The following TMEM209 variants were observed in gnomAD, a reference collection of about 807,000 sequenced individuals.
TMEM209 encodes transmembrane protein 209.
Under a neutral mutation model 76.2 loss-of-function variants are expected in TMEM209, and 65 were observed. The ratio of observed to expected loss-of-function variants is 0.85; its 90% CI spans 0.70 to 1.05. The LOEUF is 1.05. Among genes scored for constraint, TMEM209 ranks in the 50% least tolerant of loss-of-function variants. The pLI is 0.00. For synonymous variants in TMEM209, 239 were observed against 237.6 expected (o/e 1.01, Z -0.06); for missense variants, 623 against 685.5 (o/e 0.91, Z 1.02).
At position 130,201,836 on chromosome 7, in the gene TMEM209, AAGAG is replaced by A; in HGVS notation, c.573+10_573+13del. On this transcript the variant is annotated intron_variant, in intron 5 of 14. Coordinates refer to ENST00000397622, the MANE Select transcript of TMEM209 (RefSeq NM_032842.4). ...CTAAAATAATGTGACTAGACAAGAGAAGAGAGTCATTACCTTATTATAACCACTG... is the reference window on the plus strand; with the variant it reads ...CTAAAATAATGTGACTAGACAAGAGAAGTCATTACCTTATTATAACCACTG... 6.2e-7 allele frequency: 1 copy of A among 1,613,794 alleles called. No homozygotes were observed. Among genetic ancestry groups the A allele is most frequent in the Non-Finnish European group, 8.5e-7 (1 of 1,179,828 alleles).
intron 8 of TMEM209, 166 bp from the exon 9 acceptor site, chr7:130,181,885 G>A (rs757862921): frequency 1.9e-5 from 10 of 534,826 alleles, no homozygotes; most frequent in East Asian, 9.4e-5. Context: ...ATAGCTACCC[G>A]AAATCAAGAG....
At chr7:130,203,585 G>A (rs1798299451) in intron 3 of TMEM209, among the ~76,000 whole-genome samples, 1 of 152,194 alleles carries the variant, frequency 6.6e-6, no homozygotes, top group African/African-American at 2.4e-5. Flanking sequence ...TACCTGAAGT[G>A]TTATTAATCT....
intron 7 of TMEM209, 83 bp from the exon 8 acceptor site, chr7:130,184,338 AT>A (rs1797522184): frequency 7.6e-6 from 8 of 1,050,608 alleles, no homozygotes; most frequent in Middle Eastern, 4.4e-4. Context: ...ATCCTAAAAA[AT>A]ATTTAATGAA....
At chr7:130,187,236 C>CT (rs896183379) in intron 6 of TMEM209, among the ~76,000 whole-genome samples, 1 of 150,874 alleles carries the variant, frequency 6.6e-6, no homozygotes, top group African/African-American at 2.4e-5. Context: ...GAGCTAGACT[C>CT]TATCTCAAAA....
At chr7:130,201,249 C>A (rs74910641) in intron 5 of TMEM209, among the ~76,000 whole-genome samples, 1,623 of 152,132 alleles carry the variant, frequency 0.011, 38 homozygotes, top group African/African-American at 0.037. Context: ...CTTCTTTCAA[C>A]GCCCCCTTAT....
At chr7:130,188,230 G>A (rs1034224501) in intron 6 of TMEM209, among the ~76,000 whole-genome samples, 5 of 152,142 alleles carry the variant, frequency 3.3e-5, no homozygotes, top group African/African-American at 1.2e-4. Context: ...AAAAGCTGGG[G>A]TGGGGGTAAA....
chr7:130,201,986 C>T lies in TMEM209; in HGVS notation c.437G>A (p.Arg146His), dbSNP rs199916709. The T allele has an allele frequency of 5.8e-5, 93 of 1,613,404 alleles. No homozygotes were observed. Among genetic ancestry groups the T allele is most frequent in the Middle Eastern group, 1.6e-4 (1 of 6,082 alleles). Residue 146 changes from arginine (R) to histidine (H), a missense_variant, in exon 5 of 15, where the codon CGT becomes CAT. Physicochemically the swap from Arg to His is conservative, Grantham distance 29. Transcript: ENST00000397622. ...GQSVLSYSPS[R>H]SPSTSPKFTT... ...GAACTTGGGACTGGTACTGGGCGAA[C>T]GAGAAGGGCTATAACTCAACACACT...
At chr7:130,174,872 T>C (rs1326237727) in intron 11 of TMEM209, among the ~76,000 whole-genome samples, 1 of 151,584 alleles carries the variant, frequency 6.6e-6, no homozygotes, top group African/African-American at 2.4e-5. Context: ...TGTGTAATAA[T>C]GAAAAAATAT....
intron 6 of TMEM209, among the ~76,000 whole-genome samples, chr7:130,186,335 T>C (rs116012615): frequency 1.4e-3 from 219 of 152,312 alleles, no homozygotes; most frequent in African/African-American, 5.0e-3. Flanking sequence ...TGTAGCAATA[T>C]AATTCATCAA....
At chr7:130,185,495 C>A in intron 6 of TMEM209, 128 bp from the exon 7 acceptor site, 1 of 764,748 alleles carries the variant, frequency 1.3e-6, no homozygotes, top group Non-Finnish European at 2.1e-6. Flanking sequence ...CTCTTCTCCC[C>A]AACATAATTT....
intron 5 of TMEM209, among the ~76,000 whole-genome samples, chr7:130,196,244 C>T (rs1797966910): frequency 6.6e-6 from 1 of 151,782 alleles, no homozygotes; most frequent in South Asian, 2.1e-4. Context: ...AAGGGCCCTA[C>T]AGTCTTCTGG....
intron 7 of TMEM209, 57 bp from the exon 8 acceptor site, chr7:130,184,312 C>A: frequency 7.9e-7 from 1 of 1,269,740 alleles, no homozygotes; most frequent in South Asian, 1.4e-5. Context: ...TGATAGAAAT[C>A]ATCATTCTTT....
Position 130,205,240 on chromosome 7 carries a change from C to T in TMEM209, c.3+133G>A, listed in dbSNP as rs561163521. ...CAGCAACCCTATTGCTTCTTTCTTC[C>T]CTTCCCCTAGAGAGGCGGAACGCCT... On this transcript the variant is annotated intron_variant, in intron 1 of 14. Transcript: ENST00000397622. 5.0e-5 allele frequency: 80 copies of T among 1,600,888 alleles called. No homozygotes were observed. In the African/African-American group the frequency reaches 9.5e-4, roughly 19 times the overall value.
intron 1 of TMEM209, among the ~76,000 whole-genome samples, chr7:130,204,795 A>G (rs1161346635): frequency 6.6e-6 from 1 of 152,208 alleles, no homozygotes; most frequent in Non-Finnish European, 1.5e-5. Flanking sequence ...CAAAATGTCA[A>G]GTTTTGGGAG....
At chr7:130,198,454 TA>T (rs1798069435) in intron 5 of TMEM209, among the ~76,000 whole-genome samples, 1 of 151,854 alleles carries the variant, frequency 6.6e-6, no homozygotes, top group Admixed American at 6.6e-5. Flanking sequence ...CTACTAAAAA[TA>T]AAAAAATTAG....
chr7:130,182,843 G>T (rs1208439168), intron 8 of TMEM209, among the ~76,000 whole-genome samples: 1 of 152,150 alleles, frequency 6.6e-6, no homozygotes, highest in East Asian at 1.9e-4. Flanking sequence ...AGCAAATTTT[G>T]ATATACTGGC....
intron 6 of TMEM209, among the ~76,000 whole-genome samples, chr7:130,186,992 CA>C (rs1417955485): frequency 5.3e-5 from 8 of 152,150 alleles, no homozygotes; most frequent in Admixed American, 2.0e-4. Context: ...CCTGTAATCC[CA>C]GCACTTTGGG....
chr7:130,170,650 A>G (rs1797037649), intron 13 of TMEM209, among the ~76,000 whole-genome samples, 177 bp from the exon 14 acceptor site: 1 of 152,178 alleles, frequency 6.6e-6, no homozygotes, highest in Non-Finnish European at 1.5e-5. Flanking sequence ...GGAATACTGC[A>G]GTGAGTAAGA....
rs757452181 is a variant in TMEM209 at position 130,184,219 on chromosome 7, CAAG to C, written c.985_987del (p.Leu329del). On this transcript the variant is annotated inframe_deletion, in exon 8 of 15. Coordinates refer to ENST00000397622, the MANE Select transcript of TMEM209 (RefSeq NM_032842.4). ...TTAGCTGTCCATGAATCCATATGAT[CAAG>C]AAGTTGTCTATTCATAGCCACTCTT... is the stretch of plus-strand genomic sequence containing the variant. 42 of 1,607,730 alleles carry C rather than the reference CAAG, an allele frequency of 2.6e-5. No individual in the cohort carries two copies. The African/African-American group carries it at 4.4e-4, about 17-fold the overall frequency.
Sources: allele counts gnomAD v4.1 joint callset (sites outside exome capture counted in the v4.1 genomes callset), GRCh38; gene constraint gnomAD v4.1.1; transcripts MANE v1.5; gene names NCBI Gene and HGNC (gene_info 2026-07-23, HGNC 2026-07-21).